FAM20C: variants seen among roughly 807,000 people sequenced by gnomAD.
FAM20C encodes FAM20C golgi associated secretory pathway kinase.
Under a neutral mutation model 51.5 loss-of-function variants are expected in FAM20C, and 40 were observed. That is an observed-to-expected ratio of 0.78 (90% CI 0.60 to 1.01). The LOEUF is 1.01. Among genes scored for constraint, FAM20C ranks in the 50% least tolerant of loss-of-function variants. The pLI, the probability that FAM20C is intolerant of heterozygous loss-of-function variation, is 0.00. For missense variants in FAM20C, 861 were observed against 844.7 expected (o/e 1.02, Z -0.24); for synonymous variants, 406 against 380.6 (o/e 1.07, Z -0.78).
At chr7:197,781 G>A (rs1291025491) in intron 2 of FAM20C, among the ~76,000 whole-genome samples, 3 of 152,210 alleles carry the variant, frequency 2.0e-5, no homozygotes, top group African/African-American at 7.2e-5. Flanking sequence ...GAAGAGGTGT[G>A]GGAGTTCTGT....
chr7:231,216 C>G (rs1028739607), intron 3 of FAM20C, among the ~76,000 whole-genome samples: 1 of 152,130 alleles, frequency 6.6e-6, no homozygotes, highest in African/African-American at 2.4e-5. Context: ...GCTGGGGGGT[C>G]TGTTCCGGGG....
chr7:213,593 C>G (rs777962039), intron 3 of FAM20C, among the ~76,000 whole-genome samples: 1 of 151,998 alleles, frequency 6.6e-6, no homozygotes, highest in Non-Finnish European at 1.5e-5. Flanking sequence ...GAGTTGTTTC[C>G]GCTTTTGACA....
intron 3 of FAM20C, among the ~76,000 whole-genome samples, chr7:212,427 C>T (rs1294355247): frequency 1.3e-4 from 20 of 152,212 alleles, no homozygotes; most frequent in Admixed American, 1.3e-3. Context: ...GACGCCACTG[C>T]ACTCCAGCCT....
rs1357706759 is a variant in FAM20C, at chr7:256,040, G to T, written c.1253+11G>T. On this transcript the variant is annotated intron_variant, in intron 6 of 9. Coordinates refer to ENST00000313766, the MANE Select transcript of FAM20C (RefSeq NM_020223.4). ...GCGCAAGAAGGCCGAGTGAGTGCGG[G>T]GCCGGGGGGCTGGCGTCCGGCCACC... 22 of 1,532,560 alleles carry T rather than the reference G, an allele frequency of 1.4e-5. No homozygotes were observed. Among genetic ancestry groups the T allele is most frequent in the Non-Finnish European group, 1.9e-5 (22 of 1,145,102 alleles). The allele number at this position is 1,532,560 out of a possible 1,614,324, so 94.9% of individuals were successfully genotyped here. A position where few individuals can be genotyped will look rare whatever the true frequency, so the allele number is the denominator to read the frequency against.
intron 2 of FAM20C, among the ~76,000 whole-genome samples, chr7:205,970 C>T (rs1322515769): frequency 6.6e-6 from 1 of 152,130 alleles, no homozygotes; most frequent in African/African-American, 2.4e-5. Flanking sequence ...ACCTACAAAC[C>T]CATCTGCAGG....
chr7:201,397 G>A (rs1420681630), intron 2 of FAM20C, among the ~76,000 whole-genome samples: 1 of 152,242 alleles, frequency 6.6e-6, no homozygotes, highest in Non-Finnish European at 1.5e-5. Context: ...TCAGGTTGGG[G>A]TTGTTGTTAG....
intron 3 of FAM20C, among the ~76,000 whole-genome samples, chr7:237,530 A>T (rs1787882272): frequency 1.3e-5 from 2 of 152,088 alleles, no homozygotes; most frequent in Non-Finnish European, 2.9e-5. Flanking sequence ...AACGATGGTA[A>T]AAATGATGAC....
rs993174600 is a variant in FAM20C, at chr7:205,854, G to A, written c.785-3044G>A. ...CCCCAGGCCCCCCACGAAGCCCGCT[G>A]TCCTCACGCTGACCCTCCCTCCCAG... On this transcript the variant is annotated intron_variant, in intron 2 of 9. Coordinates refer to ENST00000313766, the MANE Select transcript of FAM20C (RefSeq NM_020223.4). Among the ~76,000 whole-genome samples the A allele has an allele frequency of 4.6e-5, 7 of 152,086 alleles. No homozygotes were observed. The East Asian group carries it at 7.7e-4, about 17-fold the overall frequency.
chr7:227,908 T>C (rs1463955137), intron 3 of FAM20C: 1 of 153,360 alleles, frequency 6.5e-6, no homozygotes, highest in Non-Finnish European at 1.5e-5. Flanking sequence ...CGTAAGAGGT[T>C]GAAGAGCCTC....
rs372913339 is a variant in FAM20C at position 226,255 on chromosome 7, C to A, written c.863+17279C>A. ...ATGTCCCACCACAGAGGACGGATTC[C>A]CTTCCTCTGCCTCGTGACCGGCTAA... On this transcript the variant is annotated intron_variant, in intron 3 of 9. Transcript: ENST00000313766. Among the ~76,000 whole-genome samples the A allele has an allele frequency of 5.1e-3, 782 of 152,256 alleles. 10 individuals are homozygous for A. The highest frequency in any genetic ancestry group is 0.017 in the African/African-American group (707 of 41,552).
In FAM20C at chr7:256,527, A is replaced by G. The variant is rs150109422; in HGVS notation, c.1254-127A>G. The G allele has an allele frequency of 0.041, 30,040 of 741,136 alleles. 1,356 individuals carry two copies. Among genetic ancestry groups the G allele is most frequent in the African/African-American group, 0.18 (10,359 of 57,668 alleles). The allele number at this position is 741,136 out of a possible 1,614,324, so 45.9% of individuals were successfully genotyped here. ...CCCGCTAATGCAGCCTCAGCGCCGCAGCCCGGGCGGGTCCATCTGCAGACG... is the reference window on the plus strand; with the variant it reads ...CCCGCTAATGCAGCCTCAGCGCCGCGGCCCGGGCGGGTCCATCTGCAGACG... On this transcript the variant is annotated intron_variant, in intron 6 of 9. Transcript: ENST00000313766.
chr7:249,808 G>T (rs142475064), intron 5 of FAM20C, among the ~76,000 whole-genome samples: 14 of 152,242 alleles, frequency 9.2e-5, no homozygotes, highest in African/African-American at 3.1e-4. Context: ...CTCTCCAAGC[G>T]CCTCTCTGGT....
intron 2 of FAM20C, among the ~76,000 whole-genome samples, chr7:198,779 G>C (rs80060214): frequency 0.018 from 2,688 of 152,284 alleles, 32 homozygotes; most frequent in Middle Eastern, 0.034. Context: ...CATTTTGGGG[G>C]AAGCTCTCCT....
chr7:246,109 A>C, intron 3 of FAM20C: 1 of 261,802 alleles, frequency 3.8e-6, no homozygotes, highest in Non-Finnish European at 7.5e-6. Context: ...TTACCTGAGA[A>C]GGGCCCATGG....
chr7:255,925 G>A lies in FAM20C; in HGVS notation c.1149G>A (p.Gln383=), dbSNP rs1788572540. The part of the protein sequence containing the change: ...TEHALCGKPD[Q]IEGSLAAFLP... ...ACGCCCTGTGCGGGAAGCCAGACCA[G>A]ATCGAGGGCTCGCTGGCGGCCTTCC... is the stretch of plus-strand genomic sequence containing the variant. The change falls in exon 6 of 10, where the codon CAG becomes CAA. Residue 383 remains glutamine, a synonymous_variant. Coordinates refer to ENST00000313766, the MANE Select transcript of FAM20C (RefSeq NM_020223.4). The A allele has an allele frequency of 1.3e-6, 2 of 1,536,308 alleles. No individual in the cohort carries two copies. The highest frequency in any genetic ancestry group is 2.7e-5 in the African/African-American group (2 of 73,060).
chr7:240,740 T>C (rs938365189), intron 3 of FAM20C, among the ~76,000 whole-genome samples: 37,555 of 152,016 alleles, frequency 0.25, 7,001 homozygotes, highest in African/African-American at 0.53. Flanking sequence ...TGGGGCCCTC[T>C]CCCCTTGAGT....
At chr7:234,735 C>T (rs911523159) in intron 3 of FAM20C, among the ~76,000 whole-genome samples, 4 of 152,292 alleles carry the variant, frequency 2.6e-5, no homozygotes, top group Admixed American at 2.0e-4. Flanking sequence ...CTGTCCTTCC[C>T]GCTCTGAGGC....
At chr7:208,257 GTGTT>G (rs899080150) in intron 2 of FAM20C, among the ~76,000 whole-genome samples, 1 of 151,972 alleles carries the variant, frequency 6.6e-6, no homozygotes, top group Non-Finnish European at 1.5e-5. Context: ...ATGTGAGTGG[GTGTT>G]TGAGGTGTTG....
intron 3 of FAM20C, among the ~76,000 whole-genome samples, chr7:211,574 A>G (rs1418436585): frequency 1.3e-5 from 2 of 151,922 alleles, no homozygotes; most frequent in East Asian, 3.9e-4. Context: ...CCCCCTCCCT[A>G]GGACCCGTTT....
Sources: allele counts gnomAD v4.1 joint callset (sites outside exome capture counted in the v4.1 genomes callset), GRCh38; gene constraint gnomAD v4.1.1; transcripts MANE v1.5; gene names NCBI Gene and HGNC (gene_info 2026-07-23, HGNC 2026-07-21).